Variants in GABRA3 observed in about 807,000 individuals in gnomAD.
GABRA3 encodes the protein gamma-aminobutyric acid type A receptor subunit alpha3.
GABRA3 carries 10 observed loss-of-function variants against 30.1 expected under a neutral mutation model. The ratio of observed to expected loss-of-function variants is 0.33; its 90% CI spans 0.20 to 0.56. The LOEUF (loss-of-function observed/expected upper bound fraction) is 0.56. Ranked by LOEUF, GABRA3 falls within the 20% of genes least tolerant of loss-of-function variation. The pLI, the probability that GABRA3 is intolerant of heterozygous loss-of-function variation, is 0.89. For synonymous variants in GABRA3, 151 were observed against 146.8 expected, an observed-to-expected ratio of 1.03 and a Z score of -0.21; for missense variants, 233 against 392.0, an observed-to-expected ratio of 0.59 and a Z score of 3.42.
intron 5 of GABRA3, among the ~76,000 whole-genome samples, chrX:152,239,957 G>A (rs1226131520): frequency 1.0e-5 from 1 of 100,053 alleles, no homozygotes; most frequent in Non-Finnish European, 1.9e-5. Context: ...CAATTTGCCA[G>A]TCTGTGTCTT....
chrX:152,279,862 T>A (rs1225915478), intron 4 of GABRA3, among the ~76,000 whole-genome samples: 1 of 111,401 alleles, frequency 9.0e-6, no homozygotes, highest in South Asian at 3.8e-4. Flanking sequence ...TATTTTATTC[T>A]CTTTGAAGCA....
chrX:152,257,921 T>G (rs962634343), intron 4 of GABRA3, among the ~76,000 whole-genome samples: 1 of 112,110 alleles, frequency 8.9e-6, no homozygotes, highest in South Asian at 3.7e-4. Flanking sequence ...AGCTGAAAAC[T>G]TAACACAAAA....
At chrX:152,328,270 A>G (rs1940099598) in intron 3 of GABRA3, among the ~76,000 whole-genome samples, 1 of 111,965 alleles carries the variant, frequency 8.9e-6, no homozygotes, top group African/African-American at 3.2e-5. Context: ...TAGCAGAGGT[A>G]CAATGAGGAG....
chrX:152,213,667 A>C (rs1182938772), intron 6 of GABRA3, among the ~76,000 whole-genome samples: 1 of 111,988 alleles, frequency 8.9e-6, no homozygotes, highest in African/African-American at 3.2e-5. Flanking sequence ...AGGCCAATGT[A>C]ATGGGGAAAG....
intron 3 of GABRA3, among the ~76,000 whole-genome samples, chrX:152,313,479 C>A (rs945208442): frequency 8.9e-6 from 1 of 111,797 alleles, no homozygotes; most frequent in African/African-American, 3.3e-5. Context: ...AGCCTACAAG[C>A]CAGGTCTGCC....
rs184945121 is a variant in GABRA3 at position 152,290,578 on chromosome X, A to C, written c.263-5843T>G. The stretch of plus-strand genomic sequence containing the variant: ...ATTGCTTTTGGTGTTTTAGTCATCA[A>C]GTCCTTGCCCATGCCTATGTCCTGA... On this transcript the variant is annotated intron_variant, in intron 3 of 9. Transcript: ENST00000370314. Among the ~76,000 whole-genome samples the C allele has an allele frequency of 4.3e-3, 483 of 112,065 alleles. 1 individual carries two copies. Among genetic ancestry groups the C allele is most frequent in the African/African-American group, 0.014 (446 of 30,850 alleles).
At chrX:152,335,223 C>T (rs761126678) in intron 3 of GABRA3, among the ~76,000 whole-genome samples, 1 of 111,700 alleles carries the variant, frequency 9.0e-6, no homozygotes, top group South Asian at 3.8e-4. Flanking sequence ...CTACCAAGCA[C>T]TCAGCAACTA....
At chrX:152,297,261 G>A (rs998928655) in intron 3 of GABRA3, among the ~76,000 whole-genome samples, 4 of 111,418 alleles carry the variant, frequency 3.6e-5, no homozygotes, top group Non-Finnish European at 7.5e-5. Flanking sequence ...TCCAGTCCCA[G>A]GCCACATATA....
intron 3 of GABRA3, among the ~76,000 whole-genome samples, chrX:152,295,569 C>T (rs764776183): frequency 1.8e-5 from 2 of 112,730 alleles, no homozygotes; most frequent in Non-Finnish European, 3.8e-5. Flanking sequence ...AGTATTTGGG[C>T]GGGAGTGTCC....
intron 9 of GABRA3, among the ~76,000 whole-genome samples, chrX:152,176,469 C>T (rs757840442): frequency 1.8e-5 from 2 of 110,895 alleles, no homozygotes; most frequent in African/African-American, 3.3e-5. Context: ...ATATTGTGCA[C>T]GTAGAGGAGT....
At chrX:152,408,770 G>GAA (rs776952248) in intron 1 of GABRA3, among the ~76,000 whole-genome samples, 2 of 61,734 alleles carry the variant, frequency 3.2e-5, no homozygotes, top group Non-Finnish European at 6.3e-5. Context: ...TCATCCTGAG[G>GAA]AAAAAAAAAA....
At chrX:152,397,935 G>A (rs966537965) in intron 1 of GABRA3, among the ~76,000 whole-genome samples, 4 of 111,766 alleles carry the variant, frequency 3.6e-5, no homozygotes, top group Non-Finnish European at 7.5e-5. Flanking sequence ...CTGTCATCAA[G>A]TCCTTTGCTG....
intron 3 of GABRA3, among the ~76,000 whole-genome samples, chrX:152,320,602 A>C (rs1175502332): frequency 9.0e-6 from 1 of 111,315 alleles, no homozygotes; most frequent in African/African-American, 3.3e-5. Context: ...GGAATAAAAG[A>C]CTACAAATGG....
At chrX:152,179,913 T>C (rs951008082) in intron 9 of GABRA3, among the ~76,000 whole-genome samples, 1 of 111,941 alleles carries the variant, frequency 8.9e-6, no homozygotes, top group Non-Finnish European at 1.9e-5. Context: ...TTTTAAAGGC[T>C]GAATAGTATT....
At chrX:152,448,353 G>A (rs1209249027) in intron 1 of GABRA3, among the ~76,000 whole-genome samples, 2 of 112,210 alleles carry the variant, frequency 1.8e-5, no homozygotes, top group Non-Finnish European at 3.8e-5. Flanking sequence ...AACGATTTCC[G>A]AAGCCTCTCA....
Position 152,235,583 on chromosome X carries a change from C to T in GABRA3, c.552-10738G>A, listed in dbSNP as rs149396830. On this transcript the variant is annotated intron_variant, in intron 5 of 9. Coordinates refer to ENST00000370314, the MANE Select transcript of GABRA3 (RefSeq NM_000808.4). The stretch of plus-strand genomic sequence containing the variant: ...GGAAAAATTCAGTAACATTTCTACA[C>T]ACTATTTAAAAAATACATCAAGAAA... 9.9e-5 allele frequency among the ~76,000 whole-genome samples: 11 copies of T among 111,595 alleles called. 1 individual carries two copies. The East Asian group carries it at 3.1e-3, about 32-fold the overall frequency.
At chrX:152,261,905 G>A (rs1218917030) in intron 4 of GABRA3, among the ~76,000 whole-genome samples, 1 of 112,608 alleles carries the variant, frequency 8.9e-6, no homozygotes, top group African/African-American at 3.2e-5. Flanking sequence ...ATACATGAGT[G>A]TTCTGCCCCT....
In GABRA3 at chrX:152,168,392, C is replaced by T. The variant is rs79270150; in HGVS notation, c.1315G>A (p.Val439Met). 27 of 1,210,277 alleles carry T rather than the reference C, an allele frequency of 2.2e-5. No homozygotes were observed. Among genetic ancestry groups the T allele is most frequent in the South Asian group, 1.1e-4 (6 of 56,834 alleles). Residue 439 changes from valine (V) to methionine (M), a missense_variant, in exon 10 of 10, where the codon GTG becomes ATG. Physicochemically the swap from Val to Met is conservative, Grantham distance 21. Coordinates refer to ENST00000370314, the MANE Select transcript of GABRA3 (RefSeq NM_000808.4). Reference sequence around the variant, plus strand: ...TTGGTCTCAGTCGGGCTGTCCTGCACGTAGGTGGCCTTGGGTGAAGCAATG... The same window carrying T: ...TTGGTCTCAGTCGGGCTGTCCTGCATGTAGGTGGCCTTGGGTGAAGCAATG... ...TIIASPKATY[V>M]QDSPTETKTY...
intron 3 of GABRA3, among the ~76,000 whole-genome samples, chrX:152,336,219 T>C (rs1940232971): frequency 1.8e-5 from 2 of 109,685 alleles, no homozygotes; most frequent in African/African-American, 3.3e-5. Context: ...ATGACACTTA[T>C]AGTCAAAACT....
Sources: gnomAD v4.1 joint callset for allele counts (sites outside exome capture counted in the v4.1 genomes callset) on GRCh38, gnomAD v4.1.1 for gene constraint, MANE v1.5 for transcripts, NCBI Gene and HGNC (gene_info 2026-07-23, HGNC 2026-07-21) for gene names.